PHTF2: variants seen among roughly 807,000 people sequenced by gnomAD.
The protein encoded by PHTF2 is protein PHTF2.
PHTF2 carries 60 observed loss-of-function variants against 101.2 expected under a neutral mutation model. That is an observed-to-expected ratio of 0.59 (90% CI 0.48 to 0.73). PHTF2 has a LOEUF of 0.73. Among genes scored for constraint, PHTF2 ranks in the 30% least tolerant of loss-of-function variants. The probability of loss-of-function intolerance (pLI) is 0.00; values close to 1 mark genes in which losing one functional copy is unlikely to be tolerated. For synonymous variants in PHTF2, 311 were observed against 307.3 expected (o/e 1.01, Z -0.13); for missense variants, 747 against 908.7 (o/e 0.82, Z 2.29).
intron 1 of PHTF2, among the ~76,000 whole-genome samples, chr7:77,801,447 G>C (rs1562822609): frequency 6.6e-6 from 1 of 152,104 alleles, no homozygotes. Context: ...TTAGCCGGGC[G>C]TGGTGGTATG....
At chr7:77,915,679 G>T (rs1802844642) in intron 9 of PHTF2, among the ~76,000 whole-genome samples, 1 of 152,108 alleles carries the variant, frequency 6.6e-6, no homozygotes, top group Non-Finnish European at 1.5e-5. Flanking sequence ...GAGCCGGGAG[G>T]CCACCACTCT....
intron 3 of PHTF2, among the ~76,000 whole-genome samples, chr7:77,860,101 G>T (rs927683315): frequency 6.6e-6 from 1 of 152,096 alleles, no homozygotes; most frequent in African/African-American, 2.4e-5. Flanking sequence ...TTGGAGGATT[G>T]TCAAACCTAC....
At chr7:77,861,125 T>A in intron 3 of PHTF2, among the ~76,000 whole-genome samples, 1 of 152,288 alleles carries the variant, frequency 6.6e-6, no homozygotes, top group East Asian at 1.9e-4. Flanking sequence ...GCTCTCTCCC[T>A]TATTCTTTAA....
At chr7:77,869,165 A>C (rs1798321430) in intron 3 of PHTF2, among the ~76,000 whole-genome samples, 1 of 152,198 alleles carries the variant, frequency 6.6e-6, no homozygotes, top group African/African-American at 2.4e-5. Flanking sequence ...ATACGTAATT[A>C]ATTATACATC....
Position 77,938,287 on chromosome 7 carries a change from G to A in PHTF2, c.1467+449G>A, listed in dbSNP as rs544802025. On this transcript the variant is annotated intron_variant, in intron 13 of 19. Coordinates refer to ENST00000416283, the Ensembl canonical transcript of PHTF2. The stretch of plus-strand genomic sequence containing the variant: ...ATGAAAAAATCAAACTAGTAAATTT[G>A]CATTCATACTTGCTTACCTACTTAA... 3.9e-5 allele frequency among the ~76,000 whole-genome samples: 6 copies of A among 152,262 alleles called. No individual in the cohort carries two copies. In the South Asian group the frequency reaches 1.2e-3, roughly 32 times the overall value.
intron 16 of PHTF2, among the ~76,000 whole-genome samples, chr7:77,947,161 GCAA>G (rs138016145): frequency 2.2e-4 from 33 of 151,666 alleles, no homozygotes; most frequent in East Asian, 7.8e-4. Context: ...ATTTTCAATA[GCAA>G]CAACAACAAC....
At chr7:77,884,755 C>T (rs1327808602) in intron 3 of PHTF2, among the ~76,000 whole-genome samples, 6 of 151,954 alleles carry the variant, frequency 3.9e-5, no homozygotes, top group South Asian at 4.1e-4. Context: ...AAAAATTAGC[C>T]GGATGTGGTG....
At chr7:77,951,516 C>T (rs961400712) in intron 17 of PHTF2, 101 bp from the exon 17 acceptor site, 3 of 558,188 alleles carry the variant, frequency 5.4e-6, no homozygotes, top group Admixed American at 3.9e-5. Flanking sequence ...ATTAAAATCA[C>T]CTATAATCTC....
intron 2 of PHTF2, 97 bp downstream of exon 2, chr7:77,840,397 A>G (rs1795778373): frequency 4.2e-6 from 3 of 720,968 alleles, no homozygotes; most frequent in Non-Finnish European, 7.2e-6. Flanking sequence ...TGAGTGGGAA[A>G]GGAAGATTAT....
At chr7:77,822,130 G>T (rs1247867849) in intron 1 of PHTF2, among the ~76,000 whole-genome samples, 1 of 152,226 alleles carries the variant, frequency 6.6e-6, no homozygotes, top group East Asian at 1.9e-4. Context: ...TCAAGGGCAG[G>T]TTTGCCTTAG....
At chr7:77,855,128 C>T (rs770289184) in intron 3 of PHTF2, among the ~76,000 whole-genome samples, 2 of 152,232 alleles carry the variant, frequency 1.3e-5, no homozygotes, top group Admixed American at 6.5e-5. Flanking sequence ...CAGTGAGTAC[C>T]GCCTGGGTAC....
chr7:77,937,713 C>A, exon 13 of PHTF2: 5 of 1,252,162 alleles, frequency 4.0e-6, no homozygotes, highest in South Asian at 2.0e-5. Flanking sequence ...TTTATAGAGT[C>A]ATTTGCCCTG....
intron 7 of PHTF2, among the ~76,000 whole-genome samples, 181 bp downstream of exon 6, chr7:77,902,101 A>G (rs564899756): frequency 1.3e-5 from 2 of 152,324 alleles, no homozygotes; most frequent in South Asian, 2.1e-4. Context: ...TTTTCAGTAT[A>G]ATTTTATGAA....
chr7:77,945,988 T>C (rs1190594488), intron 16 of PHTF2, among the ~76,000 whole-genome samples: 3 of 152,182 alleles, frequency 2.0e-5, no homozygotes, highest in African/African-American at 7.2e-5. Context: ...TAATATAACC[T>C]TGATGCCAGT....
chr7:77,803,370 T>C (rs915052947), intron 1 of PHTF2, among the ~76,000 whole-genome samples: 5 of 152,200 alleles, frequency 3.3e-5, no homozygotes, highest in Non-Finnish European at 5.9e-5. Flanking sequence ...GTTGCATGAA[T>C]GAAAGTACTT....
chr7:77,936,855 T>A lies in PHTF2; in HGVS notation c.1339-855T>A, dbSNP rs1172636719. Among the ~76,000 whole-genome samples the A allele has an allele frequency of 2.0e-5, 3 of 151,888 alleles. No homozygotes were observed. The South Asian group carries it at 6.2e-4, about 32-fold the overall frequency. ...GTTGCCATCATTAACTCAACTGTTC[T>A]GTTTTGGGGCTGGGCGCAGTGGTTC... On this transcript the variant is annotated intron_variant, in intron 12 of 19. Coordinates refer to ENST00000416283, the Ensembl canonical transcript of PHTF2.
chr7:77,911,333 A>G (rs1802381170), intron 9 of PHTF2, among the ~76,000 whole-genome samples: 1 of 152,118 alleles, frequency 6.6e-6, no homozygotes, highest in Non-Finnish European at 1.5e-5. Context: ...TGTACCATCA[A>G]TGAAGACTTA....
chr7:77,862,785 A>G (rs1031699314), intron 3 of PHTF2, among the ~76,000 whole-genome samples: 2 of 152,212 alleles, frequency 1.3e-5, no homozygotes, highest in African/African-American at 2.4e-5. Context: ...ATTTTTAACC[A>G]TAGCAACAGA....
At chr7:77,853,367 C>T (rs1796918400) in intron 2 of PHTF2, among the ~76,000 whole-genome samples, 1 of 150,882 alleles carries the variant, frequency 6.6e-6, no homozygotes, top group South Asian at 2.1e-4. Flanking sequence ...ATGTTTTCTT[C>T]AGTATGTCAG....
Sources: gnomAD v4.1 joint callset for allele counts (sites outside exome capture counted in the v4.1 genomes callset) on GRCh38, gnomAD v4.1.1 for gene constraint, MANE v1.5 for transcripts, NCBI Gene and HGNC (gene_info 2026-07-23, HGNC 2026-07-21) for gene names.